Variants in TCF20 observed in about 807,000 individuals in gnomAD.
The protein encoded by TCF20 is transcription factor 20, also known as SPRE-binding protein.
TCF20 carries 3 observed loss-of-function variants against 148.6 expected under a neutral mutation model. The observed-to-expected ratio is 0.02, with a 90% CI of 0.01 to 0.05. TCF20 has a LOEUF of 0.05. TCF20 is among the 10% of genes least tolerant of loss of function. TCF20 has a pLI of 1.00. For synonymous variants in TCF20, 1,049 were observed against 909.5 expected, an observed-to-expected ratio of 1.15 and a Z score of -2.76; for missense variants, 2,350 against 2,429.3, an observed-to-expected ratio of 0.97 and a Z score of 0.69.
rs143417531 is a variant in TCF20 at position 42,330,797 on chromosome 22, A to C, written c.-37+12682T>G. 4.7e-3 allele frequency among the ~76,000 whole-genome samples: 709 copies of C among 152,338 alleles called. 6 individuals carry two copies. Among genetic ancestry groups the C allele is most frequent in the African/African-American group, 0.016 (676 of 41,578 alleles). On this transcript the variant is annotated intron_variant, in intron 1 of 1. Transcript: ENST00000515426. ...GGAGGCAACAGTTCAGCCTGAATTC[A>C]GAAACTTGAAGCTGCAAGGTCACCA...
intron 1 of TCF20, among the ~76,000 whole-genome samples, chr22:42,240,763 T>A (rs1924322046): frequency 6.6e-6 from 1 of 152,098 alleles, no homozygotes; most frequent in Non-Finnish European, 1.5e-5. Flanking sequence ...TAGGGCTGCA[T>A]CCTAGGAGTA....
At chr22:42,280,269 T>G (rs1926871590) in intron 1 of TCF20, among the ~76,000 whole-genome samples, 1 of 151,984 alleles carries the variant, frequency 6.6e-6, no homozygotes, top group African/African-American at 2.4e-5. Context: ...GCTAGGGAAA[T>G]CGAAGTCCAG....
intron 1 of TCF20, among the ~76,000 whole-genome samples, chr22:42,301,751 G>A (rs1021427772): frequency 3.3e-5 from 5 of 152,230 alleles, no homozygotes; most frequent in Admixed American, 6.5e-5. Context: ...GAAGTCTGTC[G>A]TGGGGAACAG....
intron 2 of TCF20, among the ~76,000 whole-genome samples, chr22:42,195,565 A>G (rs1937556027): frequency 1.4e-5 from 2 of 145,932 alleles, no homozygotes; most frequent in South Asian, 4.3e-4. Context: ...CAATGGCGCG[A>G]TCTCAGCTCA....
chr22:42,161,372 G>T lies in TCF20; in HGVS notation c.*45-14C>A, dbSNP rs1304982976. On this transcript the variant is annotated splice_polypyrimidine_tract_variant and intron_variant, in intron 5 of 5. Transcript: ENST00000677622. ...CCACAGTCTCACCTGGAAGACAAGG[G>T]ACACACAGTGAAGGCCAGGAGCCTC... 6.2e-7 allele frequency: 1 copy of T among 1,613,888 alleles called. No homozygotes were observed. Among genetic ancestry groups the T allele is most frequent in the East Asian group, 2.2e-5 (1 of 44,898 alleles).
Position 42,338,206 on chromosome 22 carries a change from C to T in TCF20, c.-37+5273G>A, listed in dbSNP as rs948847811. ...TTCACGGTTCTGCAGCATGAGAAAT[C>T]CCCTCGCAGCTGGGTCCCCAGTGCC... On this transcript the variant is annotated intron_variant, in intron 1 of 1. Transcript: ENST00000515426. This position sits in a 1 kb window ranked among gnomAD's most constrained non-coding sequence, Gnocchi z 4.0. Among the ~76,000 whole-genome samples the T allele has an allele frequency of 3.3e-5, 5 of 152,248 alleles. No homozygotes were observed. The highest frequency in any genetic ancestry group is 1.2e-4 in the African/African-American group (5 of 41,468).
intron 1 of TCF20, among the ~76,000 whole-genome samples, chr22:42,243,319 A>AAAAAAAAAAAAC (rs1418328003): frequency 6.8e-6 from 1 of 146,988 alleles, no homozygotes; most frequent in African/African-American, 2.6e-5. Context: ...AAAAAAAAAA[A>AAAAAAAAAAAAC]AAGTCAGGCA....
rs186317036 is a variant in TCF20, at chr22:42,175,519, T to G, written c.5749+4090A>C. Among the ~76,000 whole-genome samples, 166 of 152,216 alleles carry G rather than the reference T, an allele frequency of 1.1e-3. 1 individual carries two copies. Among genetic ancestry groups the G allele is most frequent in the African/African-American group, 3.4e-3 (143 of 41,536 alleles). On this transcript the variant is annotated intron_variant, in intron 3 of 5. Coordinates refer to ENST00000677622, the MANE Select transcript of TCF20 (RefSeq NM_001378418.1). ...CCACACCTGGCTAATTTTTCATATT[T>G]TAGTAGTGACAGGGTTTCACCATGT...
At position 42,189,233 on chromosome 22, in the gene TCF20, T is replaced by C. The variant is rs60664162; in HGVS notation, c.5656-9531A>G. Among the ~76,000 whole-genome samples the C allele has an allele frequency of 8.4e-3, 1,277 of 152,274 alleles. 17 individuals are homozygous for C. Among genetic ancestry groups the C allele is most frequent in the African/African-American group, 0.024 (1,010 of 41,544 alleles). ...CTTCGAAGGTAAAACCGACAGGACT[T>C]GATGCTGACACATGGCCAGGGGGTC... On this transcript the variant is annotated intron_variant, in intron 2 of 5. Coordinates refer to ENST00000677622, the MANE Select transcript of TCF20 (RefSeq NM_001378418.1).
chr22:42,163,800 C>CT (rs1935609469), intron 5 of TCF20, among the ~76,000 whole-genome samples: 1 of 152,226 alleles, frequency 6.6e-6, no homozygotes, highest in South Asian at 2.1e-4. Context: ...TGTGAATTCT[C>CT]TTTTAAAGAA....
intron 1 of TCF20, among the ~76,000 whole-genome samples, chr22:42,224,695 A>G (rs1293000805): frequency 6.6e-6 from 1 of 152,188 alleles, no homozygotes; most frequent in Non-Finnish European, 1.5e-5. Context: ...ACCTATTTGA[A>G]AATTGATTAA....
intron 5 of TCF20, among the ~76,000 whole-genome samples, chr22:42,161,783 A>G (rs1013290988): frequency 6.6e-6 from 1 of 152,194 alleles, no homozygotes. Context: ...CTCGAAGTCC[A>G]GCCTTTTAGG....
intron 1 of TCF20, among the ~76,000 whole-genome samples, chr22:42,220,692 A>C (rs1010218574): frequency 6.6e-6 from 1 of 152,278 alleles, no homozygotes; most frequent in African/African-American, 2.4e-5. Flanking sequence ...GACAGGCCCC[A>C]CCACCCTTGC....
At chr22:42,199,625 T>C (rs1300717567) in intron 2 of TCF20, among the ~76,000 whole-genome samples, 2 of 146,052 alleles carry the variant, frequency 1.4e-5, no homozygotes, top group East Asian at 4.0e-4. Context: ...ATCCCGACAC[T>C]TTGGGAGGCC....
intron 2 of TCF20, among the ~76,000 whole-genome samples, chr22:42,209,394 G>A (rs1433169692): frequency 1.3e-5 from 2 of 152,148 alleles, no homozygotes; most frequent in Non-Finnish European, 2.9e-5. Flanking sequence ...GAAAGTGTGC[G>A]TTAGAAAAGA....
rs775402431 is a variant in TCF20 at position 42,212,159 on chromosome 22, G to A, written c.3147C>T (p.His1049=). Residue 1049 remains histidine, a synonymous_variant, in exon 2 of 6, where the codon CAC becomes CAT. Transcript: ENST00000677622. ...FSERANRSSL[H]TPFSPNSETL... ...TTTCTGAGTTGGGAGAAAAGGGAGT[G>A]TGTAAAGAACTCCGGTTAGCCCTCT... The A allele has an allele frequency of 1.2e-6, 2 of 1,614,246 alleles. No homozygotes were observed. Among genetic ancestry groups the A allele is most frequent in the South Asian group, 2.2e-5 (2 of 91,090 alleles).
chr22:42,268,970 A>G (rs1390982475), intron 1 of TCF20, among the ~76,000 whole-genome samples: 2 of 152,198 alleles, frequency 1.3e-5, no homozygotes, highest in African/African-American at 2.4e-5. Context: ...GAGAGATAAA[A>G]AAGCAAAACC....
intron 1 of TCF20, among the ~76,000 whole-genome samples, chr22:42,238,498 C>T (rs1425222095): frequency 6.6e-6 from 1 of 152,192 alleles, no homozygotes; most frequent in Non-Finnish European, 1.5e-5. Context: ...CATAACTTGG[C>T]CACGTTTGGT....
chr22:42,312,347 G>A (rs755872791), intron 1 of TCF20, among the ~76,000 whole-genome samples: 5 of 152,174 alleles, frequency 3.3e-5, no homozygotes, highest in Non-Finnish European at 7.4e-5. Flanking sequence ...CAGCTGCTGA[G>A]AATGAGATCC....
Sources: gnomAD v4.1 joint callset for allele counts (sites outside exome capture counted in the v4.1 genomes callset) on GRCh38, gnomAD v4.1.1 for gene constraint, Gnocchi (gnomAD v3.1) non-coding constraint, MANE v1.5 for transcripts, NCBI Gene and HGNC (gene_info 2026-07-23, HGNC 2026-07-21) for gene names.